PSMA6: variants seen among roughly 807,000 people sequenced by gnomAD.
PSMA6 encodes proteasome subunit alpha type-6.
For synonymous variants in PSMA6, 88 were observed against 97.7 expected (o/e 0.90, Z 0.59); for missense variants, 170 against 294.8 (o/e 0.58, Z 3.10).
chr14:35,287,429 T>G (rs1446800557), upstream of PSMA6, among the ~76,000 whole-genome samples: 1 of 152,198 alleles, frequency 6.6e-6, no homozygotes, highest in East Asian at 1.9e-4. Flanking sequence ...TTCTTTTTTT[T>G]TATTCCCTGG....
chr14:35,308,425 A>G (rs1285010693), intron 2 of PSMA6: 1 of 185,960 alleles, frequency 5.4e-6, no homozygotes, highest in Non-Finnish European at 1.1e-5. Context: ...CCGTCTCAAA[A>G]AAAAAAAGAA....
chr14:35,295,766 T>A lies in PSMA6; in HGVS notation c.76+3214T>A, dbSNP rs182642957. 2.6e-5 allele frequency among the ~76,000 whole-genome samples: 4 copies of A among 152,336 alleles called. No individual in the cohort carries two copies. In the East Asian group the frequency reaches 7.7e-4, roughly 29 times the overall value. Reference sequence around the variant, plus strand: ...TGCGCTCGGCCTGAAATATTTCTCTTAATGTACATATGCAGGTTGTATGTG... The same window carrying A: ...TGCGCTCGGCCTGAAATATTTCTCTAAATGTACATATGCAGGTTGTATGTG... On this transcript the variant is annotated intron_variant, in intron 1 of 6. Coordinates refer to ENST00000261479, the MANE Select transcript of PSMA6 (RefSeq NM_002791.3).
chr14:35,297,601 T>C (rs2051623680), intron 1 of PSMA6, among the ~76,000 whole-genome samples: 2 of 152,162 alleles, frequency 1.3e-5, no homozygotes, highest in East Asian at 3.9e-4. Context: ...CATATTTACA[T>C]CCCGAAACTC....
intron 1 of PSMA6, among the ~76,000 whole-genome samples, chr14:35,297,405 C>CG (rs911557173): frequency 6.6e-6 from 1 of 151,726 alleles, no homozygotes; most frequent in African/African-American, 2.4e-5. Flanking sequence ...TTAGTAGAGA[C>CG]GGGGTTTCAC....
chr14:35,291,876 AAAG>A (rs912073036), upstream of PSMA6, among the ~76,000 whole-genome samples: 6 of 151,600 alleles, frequency 4.0e-5, no homozygotes, highest in East Asian at 1.9e-4. Context: ...CTGCTGGCCA[AAAG>A]AAGATCTTGC....
chr14:35,313,250 G>C (rs113132104), intron 5 of PSMA6, 191 bp downstream of exon 5: 1 of 522,566 alleles, frequency 1.9e-6, no homozygotes. Context: ...TCCTTATTTC[G>C]TAATGTATTT....
At chr14:35,314,323 A>G in intron 5 of PSMA6, 38 bp from the exon 6 acceptor site, 1 of 1,531,092 alleles carries the variant, frequency 6.5e-7, no homozygotes, top group Non-Finnish European at 8.8e-7. Context: ...GGAATCTCTA[A>G]AAAATACTAT....
At chr14:35,285,572 A>G (rs2138704752) in intron 1 of PSMA6, among the ~76,000 whole-genome samples, 1 of 152,336 alleles carries the variant, frequency 6.6e-6, no homozygotes, top group South Asian at 2.1e-4. Context: ...TAGGAATTAG[A>G]GTCAGCCAAT....
At chr14:35,308,317 A>T in intron 2 of PSMA6, 1 of 348,420 alleles carries the variant, frequency 2.9e-6, no homozygotes, top group East Asian at 6.8e-5. Context: ...GCTACTCGGG[A>T]GGCTGAGGCA....
intron 1 of PSMA6, among the ~76,000 whole-genome samples, chr14:35,286,198 A>C (rs2051420168): frequency 6.6e-6 from 1 of 152,220 alleles, no homozygotes. Flanking sequence ...GCTCAGATTC[A>C]AACCCAGTGC....
At chr14:35,290,431 C>T (rs2051465234), upstream of PSMA6, among the ~76,000 whole-genome samples, 1 of 152,182 alleles carries the variant, frequency 6.6e-6, no homozygotes, top group Non-Finnish European at 1.5e-5. Context: ...TGGGAACTAG[C>T]CAGTGCTGGA....
At chr14:35,281,201 T>C (rs1160538058) in intron 1 of PSMA6, among the ~76,000 whole-genome samples, 1 of 152,188 alleles carries the variant, frequency 6.6e-6, no homozygotes, top group Admixed American at 6.5e-5. Context: ...TCCTTTGGTC[T>C]CCATCTTTTC....
At chr14:35,310,193 T>C (rs1361134665) in intron 3 of PSMA6, 3 of 17,792 alleles carry the variant, frequency 1.7e-4, no homozygotes, top group African/African-American at 1.4e-3. Flanking sequence ...CTCAAGGCCT[T>C]TTTTTTTTTT....
At chr14:35,315,960 T>G (rs1408647720) in intron 6 of PSMA6, 1 of 152,242 alleles carries the variant, frequency 6.6e-6, no homozygotes, top group African/African-American at 2.4e-5. Context: ...TTAAACTGCT[T>G]GATATTGCCT....
At chr14:35,303,903 TTC>T (rs1475782243) in intron 1 of PSMA6, among the ~76,000 whole-genome samples, 2 of 151,510 alleles carry the variant, frequency 1.3e-5, no homozygotes, top group East Asian at 3.8e-4. Flanking sequence ...TAGAGATAAT[TTC>T]TTTCTTTTTT....
chr14:35,303,995 CGG>C (rs2051771408), intron 1 of PSMA6, among the ~76,000 whole-genome samples: 2 of 149,084 alleles, frequency 1.3e-5, no homozygotes, highest in African/African-American at 5.0e-5. Context: ...TTTTTTTAGA[CGG>C]AGTCTCGCTC....
upstream of PSMA6, among the ~76,000 whole-genome samples, chr14:35,291,152 C>A (rs1432498178): frequency 1.3e-5 from 2 of 150,684 alleles, no homozygotes; most frequent in African/African-American, 4.9e-5. Context: ...CCACCACGCA[C>A]AGCTAATTTT....
intron 3 of PSMA6, among the ~76,000 whole-genome samples, chr14:35,310,022 C>T (rs1342098201): frequency 6.6e-6 from 1 of 152,030 alleles, no homozygotes; most frequent in Non-Finnish European, 1.5e-5. Flanking sequence ...GTAGTCCTAG[C>T]TACTCAGGAG....
upstream of PSMA6, among the ~76,000 whole-genome samples, chr14:35,290,743 C>G (rs112751322): frequency 0.049 from 7,388 of 152,192 alleles, 263 homozygotes; most frequent in African/African-American, 0.097. Context: ...AAACAACTAT[C>G]CTAACATTAT....
Sources: gnomAD v4.1 joint callset for allele counts (sites outside exome capture counted in the v4.1 genomes callset) on GRCh38, gnomAD v4.1.1 for gene constraint, MANE v1.5 for transcripts, NCBI Gene and HGNC (gene_info 2026-07-23, HGNC 2026-07-21) for gene names.